COL25A1: variants seen among roughly 807,000 people sequenced by gnomAD.
The protein encoded by COL25A1 is collagen alpha-1(XXV) chain.
In COL25A1, 103 loss-of-function variants were observed where a neutral mutation model predicts 128.4. That is an observed-to-expected ratio of 0.80 (90% CI 0.68 to 0.94). COL25A1 has a LOEUF of 0.94. Among genes scored for constraint, COL25A1 ranks in the 40% least tolerant of loss-of-function variants. The pLI is 0.00. For synonymous variants in COL25A1, 279 were observed against 277.2 expected, an observed-to-expected ratio of 1.01 and a Z score of -0.06; for missense variants, 745 against 840.0, an observed-to-expected ratio of 0.89 and a Z score of 1.40.
chr4:109,152,179 A>G (rs1037047277), intron 3 of COL25A1, among the ~76,000 whole-genome samples: 5 of 152,178 alleles, frequency 3.3e-5, no homozygotes, highest in African/African-American at 9.6e-5. Flanking sequence ...TGGAAAAAAC[A>G]ATCTCAATAA....
rs62313703 is a variant in COL25A1, at chr4:109,012,678, C to T, written c.421-2303G>A. 2.4e-3 allele frequency among the ~76,000 whole-genome samples: 358 copies of T among 152,288 alleles called. 1 individual carries two copies. Among genetic ancestry groups the T allele is most frequent in the East Asian group, 6.4e-3 (33 of 5,156 alleles). ...CGGCACTGCTGGCCCGCCCGCACCA[C>T]GCTTGAATTCTCACCGGGCCTCAGC... is the stretch of plus-strand genomic sequence containing the variant. On this transcript the variant is annotated intron_variant, in intron 5 of 37. Transcript: ENST00000399132.
At chr4:109,020,288 C>T (rs576935958) in intron 5 of COL25A1, among the ~76,000 whole-genome samples, 3 of 152,138 alleles carry the variant, frequency 2.0e-5, no homozygotes, top group Non-Finnish European at 4.4e-5. Context: ...AATAATTCTG[C>T]ACCTTAGCTA....
chr4:108,860,949 TC>T lies in COL25A1; in HGVS notation c.1219del (p.Asp407ThrfsTer23). On this transcript the variant is annotated frameshift_variant, in exon 23 of 38. Transcript: ENST00000399132. LOFTEE classifies it high-confidence loss of function. ...GSKGDRGEKG[D>X]SGAQGPRGPP... ...CACCCTTGGTCCCTGAGCTCCAGAG[TC>T]CCCTTTTTCTCCACGATCCCCCTTT... 6.2e-7 allele frequency: 1 copy of T among 1,613,654 alleles called. No homozygotes were observed. Among genetic ancestry groups the T allele is most frequent in the Non-Finnish European group, 8.5e-7 (1 of 1,179,766 alleles).
At chr4:109,012,817 G>A (rs866453847) in intron 5 of COL25A1, among the ~76,000 whole-genome samples, 1 of 152,298 alleles carries the variant, frequency 6.6e-6, no homozygotes, top group African/African-American at 2.4e-5. Flanking sequence ...CTGCTCCGCA[G>A]CACCCAGTCC....
At chr4:108,913,052 C>T (rs1010639079) in intron 13 of COL25A1, among the ~76,000 whole-genome samples, 19 of 151,780 alleles carry the variant, frequency 1.3e-4, no homozygotes, top group South Asian at 6.2e-4. Context: ...TAAAATTGCA[C>T]GAATCAAGAT....
In COL25A1 at chr4:109,019,646, A is replaced by G. The variant is rs534096325; in HGVS notation, c.421-9271T>C. Among the ~76,000 whole-genome samples, 20 of 151,952 alleles carry G rather than the reference A, an allele frequency of 1.3e-4. No individual in the cohort carries two copies. In the South Asian group the frequency reaches 4.0e-3, roughly 30 times the overall value. ...ACTCATTCACTATCTTGAGAACAGC[A>G]CTAGGGAAACTGCCCCCATAATGCA... On this transcript the variant is annotated intron_variant, in intron 5 of 37. Coordinates refer to ENST00000399132, the MANE Select transcript of COL25A1 (RefSeq NM_198721.4).
In COL25A1 at chr4:108,862,357, C is replaced by A. The variant is rs1578577504; in HGVS notation, c.1197+144G>T. On this transcript the variant is annotated intron_variant, in intron 22 of 37. Coordinates refer to ENST00000399132, the MANE Select transcript of COL25A1 (RefSeq NM_198721.4). Reference sequence around the variant, plus strand: ...TTGAGATATCATCATAGGGATACTGCAATCCCTTTTGCAATAAGTATTGCA... The same window carrying A: ...TTGAGATATCATCATAGGGATACTGAAATCCCTTTTGCAATAAGTATTGCA... 4.3e-6 allele frequency: 3 copies of A among 691,120 alleles called. No homozygotes were observed. The East Asian group carries it at 7.5e-5, about 17-fold the overall frequency. 42.8% of individuals were successfully genotyped at this position (691,120 alleles called of 1,614,324 possible).
chr4:108,848,110 G>GAA (rs1735326420), intron 27 of COL25A1, among the ~76,000 whole-genome samples: 1 of 151,774 alleles, frequency 6.6e-6, no homozygotes, highest in Non-Finnish European at 1.5e-5. Context: ...TGTACAGAGT[G>GAA]AATTTAAAAA....
Position 109,274,078 on chromosome 4 carries a change from G to T in COL25A1, c.367+26505C>A, listed in dbSNP as rs140246520. On this transcript the variant is annotated intron_variant, in intron 3 of 37. Coordinates refer to ENST00000399132, the MANE Select transcript of COL25A1 (RefSeq NM_198721.4). Reference sequence around the variant, plus strand: ...TTCCTCAGAATTCAGAGCACACACTGTTGGTATCACTCACTTGAAAATCAA... The same window carrying T: ...TTCCTCAGAATTCAGAGCACACACTTTTGGTATCACTCACTTGAAAATCAA... 9.2e-5 allele frequency among the ~76,000 whole-genome samples: 14 copies of T among 152,182 alleles called. 1 individual carries two copies. In the East Asian group the frequency reaches 2.7e-3, roughly 29 times the overall value.
intron 3 of COL25A1, among the ~76,000 whole-genome samples, chr4:109,249,966 C>A (rs920684360): frequency 6.6e-6 from 1 of 152,152 alleles, no homozygotes; most frequent in Non-Finnish European, 1.5e-5. Context: ...CACTTAAGGG[C>A]TACACTGACT....
chr4:109,280,871 T>C (rs1723315195), intron 3 of COL25A1, among the ~76,000 whole-genome samples: 2 of 152,122 alleles, frequency 1.3e-5, no homozygotes, highest in Admixed American at 1.3e-4. Context: ...GGTCTCGAAC[T>C]CCTGACCTTG....
chr4:109,033,187 C>A (rs1284148684), intron 5 of COL25A1, among the ~76,000 whole-genome samples: 1 of 152,244 alleles, frequency 6.6e-6, no homozygotes, highest in African/African-American at 2.4e-5. Context: ...TCACACACAA[C>A]ACATGTACAG....
chr4:109,247,287 T>C (rs1281151589), intron 3 of COL25A1, among the ~76,000 whole-genome samples: 3 of 151,810 alleles, frequency 2.0e-5, no homozygotes, highest in Admixed American at 6.6e-5. Flanking sequence ...GAGGGGGAGT[T>C]TGCAGTGAGC....
At chr4:108,948,061 T>C (rs1221628948) in intron 8 of COL25A1, among the ~76,000 whole-genome samples, 3 of 152,042 alleles carry the variant, frequency 2.0e-5, no homozygotes, top group African/African-American at 7.2e-5. Flanking sequence ...AGATAAATAC[T>C]CCTCAAAGTT....
intron 3 of COL25A1, among the ~76,000 whole-genome samples, chr4:109,108,850 T>C (rs1380546994): frequency 2.0e-5 from 3 of 152,178 alleles, no homozygotes; most frequent in African/African-American, 7.2e-5. Flanking sequence ...TATAATATAG[T>C]GTAAAAATAA....
chr4:109,276,289 G>A (rs1722834120), intron 3 of COL25A1, among the ~76,000 whole-genome samples: 1 of 151,762 alleles, frequency 6.6e-6, no homozygotes, highest in African/African-American at 2.4e-5. Flanking sequence ...ATGGGTGCCT[G>A]TAATCCCAGC....
intron 11 of COL25A1, among the ~76,000 whole-genome samples, chr4:108,936,824 T>TATATATATATATATATATATATA (rs4036496): frequency 6.8e-6 from 1 of 147,550 alleles, no homozygotes; most frequent in Non-Finnish European, 1.5e-5. Context: ...TATATATATA[T>TATATATATATATATATATATATA]TTAGAGACAG....
At chr4:109,043,561 G>C (rs1029759077) in intron 5 of COL25A1, among the ~76,000 whole-genome samples, 2 of 146,898 alleles carry the variant, frequency 1.4e-5, no homozygotes, top group African/African-American at 5.2e-5. Context: ...GGGCTTGATA[G>C]ACTGATACAA....
chr4:109,194,921 G>A (rs1484724363), intron 3 of COL25A1, among the ~76,000 whole-genome samples: 3 of 152,112 alleles, frequency 2.0e-5, no homozygotes, highest in Non-Finnish European at 2.9e-5. Flanking sequence ...GCACAACAGG[G>A]TGGCTATAGT....
Sources: allele counts gnomAD v4.1 joint callset (sites outside exome capture counted in the v4.1 genomes callset), GRCh38; gene constraint gnomAD v4.1.1; transcripts MANE v1.5; gene names NCBI Gene and HGNC (gene_info 2026-07-23, HGNC 2026-07-21).